SLC26A4: variants seen among roughly 807,000 people sequenced by gnomAD.
SLC26A4 encodes solute carrier family 26 member 4, also known as pendrin.
A neutral mutation model predicts 90.4 loss-of-function variants in SLC26A4; 93 were observed. The observed-to-expected ratio is 1.03, with a 90% confidence interval of 0.87 to 1.22. SLC26A4 has a LOEUF of 1.22. Ranked by LOEUF, SLC26A4 falls within the 50% of genes most tolerant of loss-of-function variation. The pLI, the probability that SLC26A4 is intolerant of heterozygous loss-of-function variation, is 0.00. For synonymous variants in SLC26A4, 393 were observed against 354.6 expected (o/e 1.11, Z -1.22); for missense variants, 1,127 against 946.2 (o/e 1.19, Z -2.51).
At chr7:107,704,668 G>A (rs1390975286) in intron 18 of SLC26A4, among the ~76,000 whole-genome samples, 1 of 152,182 alleles carries the variant, frequency 6.6e-6, no homozygotes, top group African/African-American at 2.4e-5. Flanking sequence ...TTACTTTCTT[G>A]TAAGTCAGAG....
chr7:107,710,021 G>T, intron 18 of SLC26A4, 33 bp from the exon 19 acceptor site: 1 of 1,600,292 alleles, frequency 6.2e-7, no homozygotes, highest in South Asian at 1.1e-5. Flanking sequence ...CTTTTCCTAG[G>T]AACTAACAAA....
At chr7:107,702,149 G>C (rs1791912455) in intron 17 of SLC26A4, 92 bp downstream of exon 17, 2 of 823,176 alleles carry the variant, frequency 2.4e-6, no homozygotes, top group Non-Finnish European at 4.2e-6. Flanking sequence ...GCAAATACAT[G>C]GGCTTTGTAA....
Position 107,671,163 on chromosome 7 carries a change from T to TA in SLC26A4, c.305-975_305-974insA, listed in dbSNP as rs1473397042. On this transcript the variant is annotated intron_variant, in intron 3 of 20. Coordinates refer to ENST00000644269, the MANE Select transcript of SLC26A4 (RefSeq NM_000441.2). ...GCCTTTGGAGTGAATTGACCAAAACTTTTTTTTTTCTTTTTTAGACATAAG... is the reference window on the plus strand; with the variant it reads ...GCCTTTGGAGTGAATTGACCAAAACTATTTTTTTTTCTTTTTTAGACATAAG... 2.0e-5 allele frequency among the ~76,000 whole-genome samples: 3 copies of TA among 150,256 alleles called. No individual in the cohort carries two copies. In the East Asian group the frequency reaches 5.9e-4, roughly 29 times the overall value.
chr7:107,704,377 C>T lies in SLC26A4; in HGVS notation c.2081C>T (p.Ser694Leu). The change falls in exon 18 of 21, where the codon TCA becomes TTA. Residue 694 changes from serine (S) to leucine (L), a missense_variant. Transcript: ENST00000644269. Reference sequence around the variant, plus strand: ...ATTGATGTGAATGTGTATTTTGCATCACTTCAAGGTAAATACATATATCTA... The same window carrying T: ...ATTGATGTGAATGTGTATTTTGCATTACTTCAAGGTAAATACATATATCTA... ...QRIDVNVYFA[S>L]LQDYVIEKLE... 1 of 1,349,854 alleles carries T rather than the reference C, an allele frequency of 7.4e-7. No individual in the cohort carries two copies. The highest frequency in any genetic ancestry group is 1.1e-6 in the Non-Finnish European group (1 of 943,548). The allele number at this position is 1,349,854 out of a possible 1,614,324, so 83.6% of individuals were successfully genotyped here.
intron 10 of SLC26A4, among the ~76,000 whole-genome samples, chr7:107,690,908 C>T (rs1791549172): frequency 6.6e-6 from 1 of 151,850 alleles, no homozygotes; most frequent in Non-Finnish European, 1.5e-5. Flanking sequence ...AGGAGCCATA[C>T]TCAAAGGCCA....
chr7:107,709,280 CTTAT>C (rs894909030), intron 18 of SLC26A4, among the ~76,000 whole-genome samples: 2 of 152,242 alleles, frequency 1.3e-5, no homozygotes, highest in South Asian at 2.1e-4. Flanking sequence ...TCTTTATTTA[CTTAT>C]TTATTTGAGA....
intron 16 of SLC26A4, among the ~76,000 whole-genome samples, chr7:107,701,526 G>A (rs1449962292): frequency 6.6e-6 from 1 of 152,206 alleles, no homozygotes; most frequent in Non-Finnish European, 1.5e-5. Flanking sequence ...ATAGAAGGCA[G>A]TCTAAGTCCA....
rs1007583610 is a variant in SLC26A4, at chr7:107,698,026, A to T, written c.1545-16A>T. ...GCTGTTCCAAAAAATCTTGACCTTG[A>T]TATTTTTTCTTCTAGTCCTTCTTGG... On this transcript the variant is annotated splice_polypyrimidine_tract_variant and intron_variant, in intron 13 of 20. Coordinates refer to ENST00000644269, the MANE Select transcript of SLC26A4 (RefSeq NM_000441.2). 2 of 1,566,290 alleles carry T rather than the reference A, an allele frequency of 1.3e-6. No homozygotes were observed. Among genetic ancestry groups the T allele is most frequent in the Admixed American group, 1.7e-5 (1 of 59,920 alleles).
At chr7:107,662,405 A>G (rs1790586184) in intron 2 of SLC26A4, among the ~76,000 whole-genome samples, 1 of 152,216 alleles carries the variant, frequency 6.6e-6, no homozygotes. Flanking sequence ...TTCATTATAG[A>G]ACATTTCAAA....
chr7:107,697,407 A>C (rs1791769871), intron 13 of SLC26A4, among the ~76,000 whole-genome samples: 1 of 152,222 alleles, frequency 6.6e-6, no homozygotes, highest in South Asian at 2.1e-4. Context: ...CACAATGCTG[A>C]AAGTACACTA....
Position 107,694,659 on chromosome 7 carries a change from G to A in SLC26A4, c.1380G>A (p.Gly460=), listed in dbSNP as rs2129316947. ...LAAVVIANLK[G]MFMQLCDIPR... is the part of the protein sequence containing the mutation. ...CTGTTGTAATTGCCAACCTGAAAGG[G>A]ATGTTTATGCAGCTGTGTGACATTC... The change falls in exon 12 of 21, where the codon GGG becomes GGA. Residue 460 remains glycine (G), a synonymous_variant. Transcript: ENST00000644269. The A allele has an allele frequency of 5.6e-6, 9 of 1,613,804 alleles. No homozygotes were observed. Among genetic ancestry groups the A allele is most frequent in the Non-Finnish European group, 7.6e-6 (9 of 1,179,742 alleles).
At chr7:107,686,117 G>A (rs1371753296) in intron 8 of SLC26A4, among the ~76,000 whole-genome samples, 1 of 151,542 alleles carries the variant, frequency 6.6e-6, no homozygotes, top group Admixed American at 6.6e-5. Flanking sequence ...GGGTGTGTGT[G>A]TGTGTGTATA....
At chr7:107,701,279 C>T (rs1791878918) in intron 16 of SLC26A4, 83 bp downstream of exon 16, 2 of 839,522 alleles carry the variant, frequency 2.4e-6, no homozygotes, top group South Asian at 1.4e-5. Context: ...TTAAATCTAT[C>T]CTCTTTAGTA....
rs751163005 is a variant in SLC26A4, at chr7:107,710,063, T to C, written c.2099T>C (p.Ile700Thr). 6.2e-7 allele frequency: 1 copy of C among 1,613,328 alleles called. No homozygotes were observed. Among genetic ancestry groups the C allele is most frequent in the Non-Finnish European group, 8.5e-7 (1 of 1,179,326 alleles). Residue 700 changes from isoleucine (I) to threonine (T), a missense_variant, in exon 19 of 21, where the codon ATA becomes ACA. Transcript: ENST00000644269. ...VYFASLQDYV[I>T]EKLEQCGFFD... ...TGTCTTTCTTTTGAAGATTATGTGA[T>C]AGAAAAGCTGGAGCAATGCGGGTTC... is the stretch of plus-strand genomic sequence containing the variant.
chr7:107,713,939 GA>G (rs1382238170), intron 20 of SLC26A4, among the ~76,000 whole-genome samples: 1 of 151,792 alleles, frequency 6.6e-6, no homozygotes, highest in Non-Finnish European at 1.5e-5. Context: ...ATTTGTGACT[GA>G]GTCTTACTCT....
chr7:107,683,787 G>C (rs181063149), intron 8 of SLC26A4, among the ~76,000 whole-genome samples: 53 of 152,048 alleles, frequency 3.5e-4, no homozygotes, highest in African/African-American at 1.3e-3. Context: ...GAACATGTAC[G>C]GTTAACACCA....
At chr7:107,692,755 C>T (rs1480274947) in intron 10 of SLC26A4, among the ~76,000 whole-genome samples, 2 of 152,132 alleles carry the variant, frequency 1.3e-5, no homozygotes, top group African/African-American at 2.4e-5. Flanking sequence ...TCTGATTACC[C>T]CCTCCCTTAA....
At chr7:107,667,436 G>T (rs1302318667) in intron 3 of SLC26A4, among the ~76,000 whole-genome samples, 1 of 121,974 alleles carries the variant, frequency 8.2e-6, no homozygotes. Context: ...AAGGAATGTG[G>T]GATCAGAAGC....
intron 3 of SLC26A4, among the ~76,000 whole-genome samples, chr7:107,670,609 A>G (rs1283969270): frequency 6.6e-6 from 1 of 152,214 alleles, no homozygotes; most frequent in African/African-American, 2.4e-5. Flanking sequence ...AGTATGAAGC[A>G]TAACTTAGTT....
Sources: allele counts gnomAD v4.1 joint callset (sites outside exome capture counted in the v4.1 genomes callset), GRCh38; gene constraint gnomAD v4.1.1; transcripts MANE v1.5; gene names NCBI Gene and HGNC (gene_info 2026-07-23, HGNC 2026-07-21).